TAT: variants seen among roughly 807,000 people sequenced by gnomAD.
TAT encodes L-tyrosine:2-oxoglutarate aminotransferase.
TAT carries 35 observed loss-of-function variants against 53.6 expected under a neutral mutation model. The observed-to-expected ratio is 0.65, with a 90% CI of 0.50 to 0.87. The LOEUF (loss-of-function observed/expected upper bound fraction) is 0.87, where lower values mean the gene tolerates loss of function less well. TAT is among the 40% of genes least tolerant of loss of function. The pLI is 0.00. For missense variants in TAT, 525 were observed against 571.8 expected, an observed-to-expected ratio of 0.92 and a Z score of 0.83; for synonymous variants, 197 against 206.5, an observed-to-expected ratio of 0.95 and a Z score of 0.39.
In TAT at chr16:71,570,333, G is replaced by A. The variant is rs2044192963; in HGVS notation, c.977C>T (p.Ala326Val). 1 of 1,614,186 alleles carries A rather than the reference G, an allele frequency of 6.2e-7. No homozygotes were observed. The highest frequency in any genetic ancestry group is 8.5e-7 in the Non-Finnish European group (1 of 1,180,042). ...ILGPCTIVQG[A>V]LKSILCRTPG... ...GGTGCGACATAGGATGCTTTTCAGA[G>A]CTCCCTGGACAATGGTACAGGGTCC... Residue 326 changes from alanine to valine, a missense_variant, in exon 9 of 12, where the codon GCT becomes GTT. Transcript: ENST00000355962.
In TAT at chr16:71,568,038, A is replaced by C. The variant is rs948321171; in HGVS notation, c.*106T>G. ...CAATCTTGAACCCTTGACATGGTGC[A>C]TTTGAGGCCCCTCTCCCAGTAGGGC... On this transcript the variant is annotated 3_prime_UTR_variant, in exon 12 of 12. Coordinates refer to ENST00000355962, the MANE Select transcript of TAT (RefSeq NM_000353.3). 41 of 1,376,078 alleles carry C rather than the reference A, an allele frequency of 3.0e-5. No individual in the cohort carries two copies. In the East Asian group the frequency reaches 8.0e-4, roughly 27 times the overall value. The allele number at this position is 1,376,078 out of a possible 1,614,324, so 85.2% of individuals were successfully genotyped here. A position where few individuals can be genotyped will look rare whatever the true frequency, so the allele number is the denominator to read the frequency against.
Position 71,572,598 on chromosome 16 carries a change from G to A in TAT, c.499C>T (p.Pro167Ser). 2 of 1,614,204 alleles carry A rather than the reference G, an allele frequency of 1.2e-6. No individual in the cohort carries two copies. The highest frequency in any genetic ancestry group is 1.7e-6 in the Non-Finnish European group (2 of 1,180,036). The stretch of plus-strand genomic sequence containing the variant: ...AGAGTCTTGTAGAGAGAGAAACCAG[G>A]TCTTGGAACCAGGATGTTTTGCCCT... ...NPGQNILVPRPGFSLYKTLAE... is the reference protein window; with the variant it reads ...NPGQNILVPRSGFSLYKTLAE... The change falls in exon 5 of 12, where the codon CCT (proline) becomes TCT (serine). Residue 167 changes from proline to serine, a missense_variant. Pro to Ser is a moderately conservative substitution (Grantham distance 74). Transcript: ENST00000355962.
In TAT at chr16:71,576,015, C is replaced by G; in HGVS notation, c.247G>C (p.Val83Leu). The G allele has an allele frequency of 1.9e-6, 3 of 1,614,108 alleles. No homozygotes were observed. Among genetic ancestry groups the G allele is most frequent in the Non-Finnish European group, 2.5e-6 (3 of 1,180,022 alleles). The change falls in exon 3 of 12, where the codon GTG (valine) becomes CTG (leucine). Residue 83 changes from valine (V) to leucine (L), a missense_variant. By Grantham distance (32) the Val-to-Leu change is conservative. Transcript: ENST00000355962. ...MISLSIGDPT[V>L]FGNLPTDPEV... ...GGGTCTGTAGGCAGGTTTCCAAACA[C>G]AGTAGGGTCCCCTTTTTATGGGAGG...
At chr16:71,575,072 A>G (rs1026637192) in intron 3 of TAT, 1 of 152,202 alleles carries the variant, frequency 6.6e-6, no homozygotes, top group Non-Finnish European at 1.5e-5. Flanking sequence ...CTTTTTTTAT[A>G]ACAACTTTTG....
intron 3 of TAT, chr16:71,575,599 A>C: frequency 2.4e-6 from 1 of 411,914 alleles, no homozygotes; most frequent in African/African-American, 2.0e-5. Context: ...CTCAGCAAAC[A>C]CAAAGCTCCT....
intron 3 of TAT, chr16:71,575,447 C>G (rs546234318): frequency 2.4e-5 from 4 of 167,198 alleles, no homozygotes; most frequent in African/African-American, 9.6e-5. Context: ...TGTTTAAACC[C>G]GTTAGTCATA....
rs758306831 is a variant in TAT, at chr16:71,573,592, G to A, written c.355C>T (p.Arg119Trp). 35 of 1,553,796 alleles carry A rather than the reference G, an allele frequency of 2.3e-5. No homozygotes were observed. The highest frequency in any genetic ancestry group is 2.4e-5 in the Non-Finnish European group (28 of 1,148,070). ...YAPSIGFLSSREEIASYYHCP... is the reference protein window; with the variant it reads ...YAPSIGFLSSWEEIASYYHCP... The stretch of plus-strand genomic sequence containing the variant: ...TGGTAATAAGAAGCAATCTCCTCCC[G>A]ACTGGATAGGAAGCCTGAAAGAAAA... The change falls in exon 4 of 12, where the codon CGG (arginine) becomes TGG (tryptophan). Residue 119 changes from arginine to tryptophan, a missense_variant. Coordinates refer to ENST00000355962, the MANE Select transcript of TAT (RefSeq NM_000353.3).
chr16:71,570,136 T>C, intron 9 of TAT, 133 bp downstream of exon 9: 1 of 1,462,090 alleles, frequency 6.8e-7, no homozygotes, highest in Non-Finnish European at 9.4e-7. Context: ...AACGTGTGTG[T>C]GGATGCTTAC....
In TAT at chr16:71,569,936, G is replaced by T; in HGVS notation, c.1043C>A (p.Ser348Tyr). Residue 348 changes from serine to tyrosine, a missense_variant and splice_region_variant, in exon 10 of 12, where the codon TCC becomes TAC. Physicochemically the swap from Ser to Tyr is moderately radical, Grantham distance 144 (BLOSUM62 -2). Coordinates refer to ENST00000355962, the MANE Select transcript of TAT (RefSeq NM_000353.3). ...FYHNTLSFLK[S>Y]NADLCYGALA... ...CGCCCCATAACAGAGATCAGCATTG[G>T]ACTACAAGAAGAGGCAAGGAGAAAT... 6.2e-7 allele frequency: 1 copy of T among 1,613,170 alleles called. No homozygotes were observed. The highest frequency in any genetic ancestry group is 8.5e-7 in the Non-Finnish European group (1 of 1,179,624).
chr16:71,569,311 T>C (rs1367207451), intron 10 of TAT, among the ~76,000 whole-genome samples: 1 of 152,152 alleles, frequency 6.6e-6, no homozygotes, highest in Non-Finnish European at 1.5e-5. Context: ...ATATATAAAA[T>C]GATTCTCTGT....
intron 10 of TAT, 141 bp from the exon 11 acceptor site, chr16:71,568,950 T>C (rs1339275652): frequency 1.4e-6 from 1 of 701,934 alleles, no homozygotes; most frequent in Non-Finnish European, 2.6e-6. Flanking sequence ...AGAGGGCTAA[T>C]ATTTATGGAA....
At chr16:71,573,750 C>T (rs887989862) in intron 3 of TAT, 144 bp from the exon 4 acceptor site, 9 of 728,410 alleles carry the variant, frequency 1.2e-5, no homozygotes, top group Non-Finnish European at 2.2e-5. Flanking sequence ...CCCACCTTAG[C>T]CTCCTGAGTA....
At chr16:71,572,354 T>C (rs751134304) in intron 5 of TAT, 30 bp from the exon 6 acceptor site, 6 of 1,613,934 alleles carry the variant, frequency 3.7e-6, no homozygotes, top group Admixed American at 1.7e-5. Context: ...GAGACTAAGA[T>C]GATTCTGAAA....
rs754232057 is a variant in TAT, at chr16:71,576,410, G to A, written c.6C>T (p.Asp2=). 3 of 1,614,124 alleles carry A rather than the reference G, an allele frequency of 1.9e-6. No homozygotes were observed. The highest frequency in any genetic ancestry group is 2.7e-5 in the African/African-American group (2 of 75,028). ...TGCTGCTCATCTGAATCATGTATGGGTCCATCACTAGCGAAGCCTGCGAGG... is the reference window on the plus strand; with the variant it reads ...TGCTGCTCATCTGAATCATGTATGGATCCATCACTAGCGAAGCCTGCGAGG... M[D]PYMIQMSSKG... The change falls in exon 2 of 12, where the codon GAC becomes GAT. Residue 2 remains aspartate, a synonymous_variant. Coordinates refer to ENST00000355962, the MANE Select transcript of TAT (RefSeq NM_000353.3).
At chr16:71,574,139 T>G (rs527874787) in intron 3 of TAT, among the ~76,000 whole-genome samples, 2 of 152,380 alleles carry the variant, frequency 1.3e-5, no homozygotes, top group East Asian at 3.9e-4. Context: ...TGTTTTACAA[T>G]TTTAGTATAA....
intron 5 of TAT, 84 bp from the exon 6 acceptor site, chr16:71,572,408 C>T: frequency 1.2e-6 from 2 of 1,606,404 alleles, no homozygotes; most frequent in South Asian, 2.2e-5. Flanking sequence ...CCAATGTAAG[C>T]AATAAAGTCT....
At chr16:71,575,706 A>C (rs191557245) in intron 3 of TAT, 2 of 615,040 alleles carry the variant, frequency 3.3e-6, no homozygotes, top group South Asian at 3.8e-5. Context: ...GGAAGTGCCC[A>C]TATGTCAAAG....
intron 4 of TAT, among the ~76,000 whole-genome samples, chr16:71,573,175 A>AT (rs200931865): frequency 3.3e-5 from 5 of 152,128 alleles, no homozygotes; most frequent in African/African-American, 4.8e-5. Flanking sequence ...AAAAGCTACA[A>AT]TTTTTTTTAA....
At chr16:71,570,613 T>C (rs2044195933) in intron 8 of TAT, 66 bp downstream of exon 8, 4 of 1,610,124 alleles carry the variant, frequency 2.5e-6, no homozygotes, top group Non-Finnish European at 3.4e-6. Context: ...GCCTCCCTTG[T>C]CCCCACTGTG....
Sources: gnomAD v4.1 joint callset for allele counts (sites outside exome capture counted in the v4.1 genomes callset) on GRCh38, gnomAD v4.1.1 for gene constraint, MANE v1.5 for transcripts, NCBI Gene and HGNC (gene_info 2026-07-23, HGNC 2026-07-21) for gene names.